SYNE3: variants seen among roughly 807,000 people sequenced by gnomAD.
The protein encoded by SYNE3 is nesprin-3.
SYNE3 carries 100 observed loss-of-function variants against 111.2 expected under a neutral mutation model. The ratio of observed to expected loss-of-function variants is 0.90; its 90% CI spans 0.77 to 1.06. SYNE3 has a LOEUF of 1.06. SYNE3 is among the 50% of genes least tolerant of loss of function. The pLI, the probability that SYNE3 is intolerant of heterozygous loss-of-function variation, is 0.00. For synonymous variants in SYNE3, 547 were observed against 533.9 expected (o/e 1.02, Z -0.34); for missense variants, 1,160 against 1,240.3 (o/e 0.94, Z 0.97).
At chr14:95,477,466 A>T (rs533672436) in intron 1 of SYNE3, among the ~76,000 whole-genome samples, 1 of 152,170 alleles carries the variant, frequency 6.6e-6, no homozygotes, top group Non-Finnish European at 1.5e-5. Context: ...ATTACATTAC[A>T]GTAAAAATCA....
rs1315094000 is a variant in SYNE3, at chr14:95,409,288, G to A, written c.*8538C>T. ...TTCTGATCATGACTCCATAGCACAG[G>A]CTTTTTGAAAGTGTCATGACCATAT... On this transcript the variant is annotated 3_prime_UTR_variant, in exon 18 of 18. Transcript: ENST00000682763. The A allele has an allele frequency of 8.5e-5, 39 of 456,612 alleles. 1 individual carries two copies. The highest frequency in any genetic ancestry group is 3.3e-4 in the Admixed American group (14 of 42,568). 28.3% of individuals were successfully genotyped at this position (456,612 alleles called of 1,614,324 possible).
intron 1 of SYNE3, among the ~76,000 whole-genome samples, chr14:95,490,842 C>T (rs560201901): frequency 1.8e-4 from 27 of 152,372 alleles, no homozygotes; most frequent in Non-Finnish European, 3.7e-4. Flanking sequence ...CTTCTCACAC[C>T]TGCAGGCTGT....
chr14:95,423,841 G>T (rs1472719134), intron 17 of SYNE3, among the ~76,000 whole-genome samples: 3 of 106,100 alleles, frequency 2.8e-5, no homozygotes, highest in Non-Finnish European at 4.0e-5. Context: ...ATTTGATGGG[G>T]ATGAGGATTT....
At chr14:95,423,331 G>C (rs1187762) in intron 17 of SYNE3, among the ~76,000 whole-genome samples, 112,230 of 152,058 alleles carry the variant, frequency 0.74, 41,933 homozygotes, top group Non-Finnish European at 0.82. Context: ...CTCTCCTCCC[G>C]CCACTTCCCT....
chr14:95,478,549 C>T (rs1889030518), intron 1 of SYNE3, among the ~76,000 whole-genome samples: 1 of 152,160 alleles, frequency 6.6e-6, no homozygotes, highest in South Asian at 2.1e-4. Context: ...GTCACCACTC[C>T]CTGTAAGGCA....
chr14:95,447,284 C>T (rs1466193647), intron 8 of SYNE3, among the ~76,000 whole-genome samples: 1 of 152,040 alleles, frequency 6.6e-6, no homozygotes, highest in Non-Finnish European at 1.5e-5. Context: ...CAGGCGCCCA[C>T]CACCACACCC....
intron 2 of SYNE3, among the ~76,000 whole-genome samples, chr14:95,469,732 TAAA>T (rs1054485915): frequency 3.3e-5 from 5 of 151,804 alleles, no homozygotes; most frequent in Admixed American, 3.3e-4. Context: ...TTAAAAATAA[TAAA>T]AATAAAATAA....
intron 1 of SYNE3, among the ~76,000 whole-genome samples, chr14:95,509,556 A>C (rs2139614601): frequency 6.6e-6 from 1 of 152,204 alleles, no homozygotes; most frequent in African/African-American, 2.4e-5. Context: ...TCCTAATCTC[A>C]ACCTCCCTCT....
intron 8 of SYNE3, among the ~76,000 whole-genome samples, chr14:95,448,971 C>A (rs1187456552): frequency 2.6e-5 from 4 of 152,150 alleles, no homozygotes; most frequent in Non-Finnish European, 5.9e-5. Context: ...GTAGGTGTGC[C>A]TTTTATAATC....
intron 17 of SYNE3, among the ~76,000 whole-genome samples, chr14:95,423,794 G>A (rs1226342190): frequency 7.7e-6 from 1 of 129,898 alleles, no homozygotes; most frequent in East Asian, 2.3e-4. Flanking sequence ...GATGGGGATG[G>A]GGATTTGATG....
chr14:95,429,525 T>C (rs542095706), intron 17 of SYNE3, among the ~76,000 whole-genome samples: 1 of 152,242 alleles, frequency 6.6e-6, no homozygotes, highest in African/African-American at 2.4e-5. Flanking sequence ...GCAATCTATG[T>C]TTTATCAAGC....
intron 1 of SYNE3, among the ~76,000 whole-genome samples, chr14:95,501,649 T>C (rs1051483384): frequency 6.6e-6 from 1 of 151,912 alleles, no homozygotes; most frequent in African/African-American, 2.4e-5. Context: ...GGAGGGCTGG[T>C]CAGGAGCAGT....
At chr14:95,471,378 C>T (rs188397969) in intron 2 of SYNE3, among the ~76,000 whole-genome samples, 52 of 152,362 alleles carry the variant, frequency 3.4e-4, no homozygotes, top group African/African-American at 1.3e-3. Flanking sequence ...TTCTTATCCT[C>T]ATGAAAGAGG....
intron 13 of SYNE3, 112 bp downstream of exon 13, chr14:95,439,500 T>C: frequency 1.4e-6 from 2 of 1,421,724 alleles, no homozygotes; most frequent in Admixed American, 1.8e-5. Flanking sequence ...CCACGGCCCC[T>C]GGCTCCACAC....
At chr14:95,439,824 G>C (rs776487416) in intron 12 of SYNE3, 40 bp from the exon 13 acceptor site, 6 of 1,592,686 alleles carry the variant, frequency 3.8e-6, no homozygotes, top group Admixed American at 3.4e-5. Context: ...ACACGGTGAG[G>C]GTGGAGGGAG....
intron 17 of SYNE3, among the ~76,000 whole-genome samples, chr14:95,428,181 A>C (rs1464860444): frequency 6.6e-6 from 1 of 152,206 alleles, no homozygotes; most frequent in African/African-American, 2.4e-5. Context: ...GCAGTGGGTG[A>C]AGGATAGGAA....
chr14:95,480,933 G>C (rs569971786), intron 1 of SYNE3, among the ~76,000 whole-genome samples: 1 of 152,238 alleles, frequency 6.6e-6, no homozygotes, highest in African/African-American at 2.4e-5. Context: ...GAGTAGCGGG[G>C]CTGCCTCTCA....
intron 3 of SYNE3, among the ~76,000 whole-genome samples, chr14:95,467,432 C>T (rs1161261283): frequency 3.3e-5 from 5 of 152,110 alleles, no homozygotes; most frequent in Non-Finnish European, 7.4e-5. Flanking sequence ...TCCCCACCAC[C>T]CCCTGTCCCG....
At chr14:95,444,101 AACGGTCAGCCTACTT>A in intron 10 of SYNE3, 1 of 266,398 alleles carries the variant, frequency 3.8e-6, no homozygotes, top group Admixed American at 5.2e-5. Flanking sequence ...AACAATGATC[AACGGTCAGCCTACTT>A]ACAGTCCACG....
Sources: allele counts gnomAD v4.1 joint callset (sites outside exome capture counted in the v4.1 genomes callset), GRCh38; gene constraint gnomAD v4.1.1; transcripts MANE v1.5; gene names NCBI Gene and HGNC (gene_info 2026-07-23, HGNC 2026-07-21).